Variants in PRR5L observed in about 807,000 individuals in gnomAD.
PRR5L encodes the protein proline rich 5 like, also known as proline-rich protein 5-like.
A neutral mutation model predicts 36.4 loss-of-function variants in PRR5L; 21 were observed. That is an observed-to-expected ratio of 0.58 (90% CI 0.41 to 0.83). The LOEUF (loss-of-function observed/expected upper bound fraction) is 0.83. Among genes scored for constraint, PRR5L ranks in the 40% least tolerant of loss-of-function variants. The pLI is 0.00. For missense variants in PRR5L, 381 were observed against 473.3 expected (o/e 0.80, Z 1.81); for synonymous variants, 188 against 197.0 (o/e 0.95, Z 0.38).
At chr11:36,389,813 A>G (rs1187133113) in intron 1 of PRR5L, among the ~76,000 whole-genome samples, 1 of 152,118 alleles carries the variant, frequency 6.6e-6, no homozygotes, top group Non-Finnish European at 1.5e-5. Context: ...GGGTTTCGCC[A>G]TGTTGGCCAG....
Position 36,465,148 on chromosome 11 carries a change from C to G in PRR5L, c.*2412C>G, listed in dbSNP as rs1687196330. On this transcript the variant is annotated 3_prime_UTR_variant, in exon 9 of 9. Coordinates refer to ENST00000530639, the MANE Select transcript of PRR5L (RefSeq NM_001160167.2). The stretch of plus-strand genomic sequence containing the variant: ...GACTCTTCAAGTGAGCTCACAGAAA[C>G]CTTTCATGTTGTCTGTTTCCAAAAT... The G allele has an allele frequency of 6.6e-6, 1 of 152,116 alleles. No homozygotes were observed. The highest frequency in any genetic ancestry group is 1.5e-5 in the Non-Finnish European group (1 of 68,016). The allele number at this position is 152,116 out of a possible 1,614,324, so 9.4% of individuals were successfully genotyped here. A position where few individuals can be genotyped will look rare whatever the true frequency, so the allele number is the denominator to read the frequency against.
At chr11:36,395,983 G>A (rs923446402) in intron 1 of PRR5L, 28 of 152,328 alleles carry the variant, frequency 1.8e-4, no homozygotes, top group African/African-American at 6.0e-4. Context: ...GCCCGCCTCA[G>A]CCTCCCAAAG....
intron 6 of PRR5L, among the ~76,000 whole-genome samples, chr11:36,440,265 G>T (rs1466586440): frequency 1.3e-5 from 2 of 152,160 alleles, no homozygotes. Context: ...TTTAGATATT[G>T]AGAGATTGGG....
rs1565407138 is a variant in PRR5L at position 36,351,264 on chromosome 11, T to TTTA, written c.-125-49732_-125-49731insTAT. Among the ~76,000 whole-genome samples, 19 of 14,138 alleles carry TTTA rather than the reference T, an allele frequency of 1.3e-3. 1 individual carries two copies. The East Asian group carries it at 0.056, about 42-fold the overall frequency. The allele number at this position is 14,138 out of a possible 152,430, so 9.3% of individuals were successfully genotyped here. On this transcript the variant is annotated intron_variant, in intron 1 of 8. Transcript: ENST00000530639. ...TATATATATTTTTATATATGTATAT[T>TTTA]TATATATTTATATATATGTATATTT...
intron 6 of PRR5L, among the ~76,000 whole-genome samples, chr11:36,445,029 G>A (rs927474430): frequency 1.6e-4 from 24 of 152,208 alleles, no homozygotes; most frequent in Non-Finnish European, 3.4e-4. Context: ...CTTATTTAAA[G>A]CACCCAACAT....
At chr11:36,402,723 C>T (rs1857823148) in intron 2 of PRR5L, among the ~76,000 whole-genome samples, 1 of 152,202 alleles carries the variant, frequency 6.6e-6, no homozygotes, top group African/African-American at 2.4e-5. Context: ...GGCTGTCGTC[C>T]CAGAGGCTGT....
intron 1 of PRR5L, among the ~76,000 whole-genome samples, chr11:36,314,996 T>G (rs1039536306): frequency 6.6e-6 from 1 of 152,226 alleles, no homozygotes; most frequent in Non-Finnish European, 1.5e-5. Context: ...TGTATGCTTT[T>G]TGTATAACTA....
At chr11:36,373,367 G>A (rs1041247490) in intron 1 of PRR5L, among the ~76,000 whole-genome samples, 11 of 152,078 alleles carry the variant, frequency 7.2e-5, no homozygotes, top group African/African-American at 2.7e-4. Flanking sequence ...AATTTGGCTG[G>A]TGACAAGCAT....
intron 1 of PRR5L, among the ~76,000 whole-genome samples, chr11:36,362,504 C>CA (rs1055067926): frequency 2.0e-4 from 30 of 152,126 alleles, no homozygotes; most frequent in Middle Eastern, 3.4e-3. Context: ...ATCTTTACCC[C>CA]AGGAACAAAT....
At chr11:36,418,551 C>G (rs1485518626) in intron 3 of PRR5L, among the ~76,000 whole-genome samples, 3 of 152,136 alleles carry the variant, frequency 2.0e-5, no homozygotes, top group Admixed American at 6.5e-5. Context: ...AATCCCAGCA[C>G]TTTGGGAGGC....
At chr11:36,321,199 C>A (rs560721170) in intron 1 of PRR5L, 1 of 152,174 alleles carries the variant, frequency 6.6e-6, no homozygotes, top group African/African-American at 2.4e-5. Flanking sequence ...TAATTTGCTG[C>A]GCTTAATACA....
At chr11:36,423,420 C>A (rs755824750) in intron 4 of PRR5L, among the ~76,000 whole-genome samples, 2 of 152,100 alleles carry the variant, frequency 1.3e-5, no homozygotes, top group Non-Finnish European at 2.9e-5. Flanking sequence ...TTAAATCAGG[C>A]CCAGAAAAGG....
At chr11:36,341,379 G>A (rs1317336478) in intron 1 of PRR5L, among the ~76,000 whole-genome samples, 2 of 152,208 alleles carry the variant, frequency 1.3e-5, no homozygotes, top group African/African-American at 4.8e-5. Flanking sequence ...AGACCAACCT[G>A]AGAGCTGAAG....
chr11:36,308,730 T>C (rs1856460832), intron 1 of PRR5L, among the ~76,000 whole-genome samples: 1 of 152,234 alleles, frequency 6.6e-6, no homozygotes, highest in Admixed American at 6.5e-5. Flanking sequence ...ACTCTGGGCT[T>C]GGGCATTGAC....
chr11:36,308,546 A>T (rs985362701), intron 1 of PRR5L, among the ~76,000 whole-genome samples: 6 of 152,186 alleles, frequency 3.9e-5, no homozygotes, highest in African/African-American at 1.4e-4. Flanking sequence ...AGCTTATGGG[A>T]CTAACTTGAT....
intron 1 of PRR5L, among the ~76,000 whole-genome samples, chr11:36,302,238 C>T (rs1856384291): frequency 1.3e-5 from 2 of 152,112 alleles, no homozygotes; most frequent in African/African-American, 2.4e-5. Context: ...CATCTAAGAC[C>T]TGAGGAAGAG....
chr11:36,306,877 T>TA (rs5791099), intron 1 of PRR5L, among the ~76,000 whole-genome samples: 46,568 of 151,718 alleles, frequency 0.31, 7,791 homozygotes, highest in Non-Finnish European at 0.38. Flanking sequence ...CTCATAGTGC[T>TA]AAAAAAAAGA....
intron 1 of PRR5L, among the ~76,000 whole-genome samples, chr11:36,339,679 G>A (rs1231552802): frequency 6.6e-6 from 1 of 152,220 alleles, no homozygotes; most frequent in Non-Finnish European, 1.5e-5. Context: ...GTGGAGCCAG[G>A]ATTTAATCCA....
At chr11:36,312,993 C>T (rs1478274264) in intron 1 of PRR5L, among the ~76,000 whole-genome samples, 1 of 152,226 alleles carries the variant, frequency 6.6e-6, no homozygotes, top group Non-Finnish European at 1.5e-5. Flanking sequence ...AGCCGCTTTA[C>T]TGACAGATGT....
Sources: gnomAD v4.1 joint callset for allele counts (sites outside exome capture counted in the v4.1 genomes callset) on GRCh38, gnomAD v4.1.1 for gene constraint, MANE v1.5 for transcripts, NCBI Gene and HGNC (gene_info 2026-07-23, HGNC 2026-07-21) for gene names.